Variants in MDGA1 observed in about 807,000 individuals in gnomAD.
The protein encoded by MDGA1 is MAM domain-containing glycosylphosphatidylinositol anchor protein 1.
MDGA1 carries 54 observed loss-of-function variants against 101.5 expected under a neutral mutation model. The ratio of observed to expected loss-of-function variants is 0.53; its 90% confidence interval spans 0.43 to 0.67. The LOEUF is 0.67. Among genes scored for constraint, MDGA1 ranks in the 30% least tolerant of loss-of-function variants. MDGA1 has a pLI of 0.00. For missense variants in MDGA1, 1,083 were observed against 1,323.8 expected, an observed-to-expected ratio of 0.82 and a Z score of 2.82; for synonymous variants, 533 against 558.3, an observed-to-expected ratio of 0.95 and a Z score of 0.64.
Position 37,652,427 on chromosome 6 carries a change from C to A in MDGA1, c.983-87G>T. 9.7e-7 allele frequency: 1 copy of A among 1,032,424 alleles called. No individual in the cohort carries two copies. Among genetic ancestry groups the A allele is most frequent in the Non-Finnish European group, 1.4e-6 (1 of 717,546 alleles). 64.0% of individuals were successfully genotyped at this position (1,032,424 alleles called of 1,614,324 possible). On this transcript the variant is annotated intron_variant, in intron 6 of 16. Transcript: ENST00000434837. This position sits in a 1 kb window ranked among gnomAD's most constrained non-coding sequence, Gnocchi z 4.3. ...CACCCCAACCCAGACCCAGCTTCTC[C>A]CCTCTAGCTGGCCCTTCTGGGGATA...
In MDGA1 at chr6:37,649,012, C is replaced by A; in HGVS notation, c.1864G>T (p.Gly622Cys). ...SYECSVSNDVGSAACLFQVSA... is the reference protein window; with the variant it reads ...SYECSVSNDVCSAACLFQVSA... ...ACCTGGAAGAGGCAGGCAGCCGAGCCCACATCGTTGGAGACGCTGCACTCG... is the reference window on the plus strand; with the variant it reads ...ACCTGGAAGAGGCAGGCAGCCGAGCACACATCGTTGGAGACGCTGCACTCG... Residue 622 changes from glycine (G) to cysteine (C), a missense_variant, in exon 9 of 17, where the codon GGC (glycine) becomes TGC (cysteine). Gly to Cys is a radical substitution (Grantham distance 159). Coordinates refer to ENST00000434837, the MANE Select transcript of MDGA1 (RefSeq NM_153487.4). 2 of 1,552,864 alleles carry A rather than the reference C, an allele frequency of 1.3e-6. No individual in the cohort carries two copies. Among genetic ancestry groups the A allele is most frequent in the Non-Finnish European group, 1.7e-6 (2 of 1,149,718 alleles).
At position 37,649,099 on chromosome 6, in the gene MDGA1, C is replaced by CGGCGGCGGCGGGAACAACA; in HGVS notation, c.1758_1776dup (p.Glu593CysfsTer132). 1.3e-6 allele frequency: 2 copies of CGGCGGCGGCGGGAACAACA among 1,519,142 alleles called. No individual in the cohort carries two copies. Among genetic ancestry groups the CGGCGGCGGCGGGAACAACA allele is most frequent in the Non-Finnish European group, 1.8e-6 (2 of 1,135,826 alleles). 94.1% of individuals were successfully genotyped at this position (1,519,142 alleles called of 1,614,324 possible). A position where few individuals can be genotyped will look rare whatever the true frequency, so the allele number is the denominator to read the frequency against. On this transcript the variant is annotated frameshift_variant, in exon 9 of 17. Coordinates refer to ENST00000434837, the MANE Select transcript of MDGA1 (RefSeq NM_153487.4). LOFTEE classifies it high-confidence loss of function. Reference sequence around the variant, plus strand: ...CGCAGCTCCGCGTGATCCGGCGCCTCGGCGGCGGCGGGAACAACAGGCGGC... The same window carrying CGGCGGCGGCGGGAACAACA: ...CGCAGCTCCGCGTGATCCGGCGCCTCGGCGGCGGCGGGAACAACAGGCGGCGGCGGGAACAACAGGCGGC...
At chr6:37,662,215 CAGTTT>C (rs768283693) in intron 2 of MDGA1, among the ~76,000 whole-genome samples, 1 of 149,330 alleles carries the variant, frequency 6.7e-6, no homozygotes, top group Non-Finnish European at 1.5e-5. Flanking sequence ...ATTGGGAGGT[CAGTTT>C]AGAGTCTACT....
chr6:37,652,230 C>T lies in MDGA1; in HGVS notation c.1093G>A (p.Glu365Lys), dbSNP rs768428298. The change falls in exon 7 of 17, where the codon GAG becomes AAG. Residue 365 changes from glutamate to lysine, a missense_variant. Coordinates refer to ENST00000434837, the MANE Select transcript of MDGA1 (RefSeq NM_153487.4). This position sits in a 1 kb window ranked among gnomAD's most constrained non-coding sequence, Gnocchi z 4.3. ...TTGAACCACTGGTAGGTCACCTTCT[C>T]CTGGGGCACTGCATCCACGTGGCAC... ...LSCHVDAVPQ[E>K]KVTYQWFKNG... The T allele has an allele frequency of 6.2e-7, 1 of 1,614,014 alleles. No homozygotes were observed.
Position 37,647,194 on chromosome 6 carries a change from G to A in MDGA1, c.2025C>T (p.Asn675=). Residue 675 remains asparagine (N), a synonymous_variant, in exon 10 of 17, where the codon AAC becomes AAT. Transcript: ENST00000434837. ...CCACCTGGCGGATGCTGAGTCTGTA[G>A]TTGAGCACAGGGTCGACAGCGTCGG... ...REPDAVDPVL[N]YRLSIRQLNQ... is the part of the protein sequence containing the mutation. 6.3e-7 allele frequency: 1 copy of A among 1,598,114 alleles called. No individual in the cohort carries two copies. Among genetic ancestry groups the A allele is most frequent in the Non-Finnish European group, 8.5e-7 (1 of 1,172,560 alleles).
intron 1 of MDGA1, among the ~76,000 whole-genome samples, chr6:37,679,852 G>A (rs1762056962): frequency 6.6e-6 from 1 of 152,158 alleles, no homozygotes; most frequent in Admixed American, 6.5e-5. Context: ...TGCGACACCT[G>A]CCCATCATCA....
Position 37,635,636 on chromosome 6 carries a change from T to G in MDGA1, c.*1732A>C. On this transcript the variant is annotated 3_prime_UTR_variant, in exon 17 of 17. Transcript: ENST00000434837. The stretch of plus-strand genomic sequence containing the variant: ...CGGTTCCCCGCCTGCCTCCTGGCAC[T>G]GCAGTGCTGCCCGAGTTCCAGGCCT... 1 of 398,708 alleles carries G rather than the reference T, an allele frequency of 2.5e-6. No homozygotes were observed. Among genetic ancestry groups the G allele is most frequent in the Non-Finnish European group, 4.4e-6 (1 of 226,108 alleles). The allele number at this position is 398,708 out of a possible 1,614,324, so 24.7% of individuals were successfully genotyped here.
At chr6:37,657,553 G>A (rs568098419) in intron 3 of MDGA1, among the ~76,000 whole-genome samples, 2 of 152,342 alleles carry the variant, frequency 1.3e-5, no homozygotes, top group South Asian at 4.1e-4. Flanking sequence ...GGGTGTCAGT[G>A]TTCATCACTC....
chr6:37,668,835 C>T (rs941182598), intron 1 of MDGA1, among the ~76,000 whole-genome samples: 1 of 151,928 alleles, frequency 6.6e-6, no homozygotes, highest in Non-Finnish European at 1.5e-5. Context: ...AACTTTTTCT[C>T]TCTTTCTCTC....
chr6:37,635,543 GC>G lies in MDGA1; in HGVS notation c.*1824del, dbSNP rs2113988667. 1 of 398,724 alleles carries G rather than the reference GC, an allele frequency of 2.5e-6. No homozygotes were observed. The highest frequency in any genetic ancestry group is 1.3e-4 in the South Asian group (1 of 7,868). The allele number at this position is 398,724 out of a possible 1,614,324, so 24.7% of individuals were successfully genotyped here. On this transcript the variant is annotated 3_prime_UTR_variant, in exon 17 of 17. Transcript: ENST00000434837. ...GAAGGCCCCGCTGCATCCTGGCCCG[GC>G]CACCCACCAGCTGTTGGTGATAATG...
intron 14 of MDGA1, among the ~76,000 whole-genome samples, chr6:37,640,611 C>G (rs921896092): frequency 6.6e-6 from 1 of 152,144 alleles, no homozygotes; most frequent in African/African-American, 2.4e-5. Context: ...GCCACTGAGC[C>G]TGAACAGGCC....
chr6:37,685,249 GCCA>G (rs2114099596), intron 1 of MDGA1, among the ~76,000 whole-genome samples: 1 of 152,050 alleles, frequency 6.6e-6, no homozygotes, highest in East Asian at 1.9e-4. Context: ...CTGAGATGGT[GCCA>G]CTGCACTCCA....
chr6:37,648,971 T>C lies in MDGA1; in HGVS notation c.1894+11A>G, dbSNP rs1236952459. The stretch of plus-strand genomic sequence containing the variant: ...GCGTGGTAGGTGGGGCGGGACCCAC[T>C]GGACGCTCACCGGAGACCTGGAAGA... On this transcript the variant is annotated intron_variant, in intron 9 of 16. Coordinates refer to ENST00000434837, the MANE Select transcript of MDGA1 (RefSeq NM_153487.4). 2.6e-6 allele frequency: 4 copies of C among 1,550,908 alleles called. No individual in the cohort carries two copies. Among genetic ancestry groups the C allele is most frequent in the Non-Finnish European group, 1.7e-6 (2 of 1,148,818 alleles).
chr6:37,691,238 G>A (rs1423950016), intron 1 of MDGA1, among the ~76,000 whole-genome samples: 1 of 152,086 alleles, frequency 6.6e-6, no homozygotes, highest in Non-Finnish European at 1.5e-5. Flanking sequence ...CAGAAGATCC[G>A]GTGGGACTGA....
intron 1 of MDGA1, among the ~76,000 whole-genome samples, chr6:37,681,004 C>CG (rs1554136950): frequency 4.6e-5 from 7 of 152,110 alleles, no homozygotes; most frequent in Admixed American, 4.6e-4. Flanking sequence ...CAGCCCCCCC[C>CG]CCCCAGGAAA....
intron 1 of MDGA1, among the ~76,000 whole-genome samples, chr6:37,669,233 T>C (rs1761820412): frequency 6.6e-6 from 1 of 152,190 alleles, no homozygotes; most frequent in African/African-American, 2.4e-5. Flanking sequence ...TTGCACAGTG[T>C]CTGGATACAC....
At chr6:37,680,690 T>C (rs1181640545) in intron 1 of MDGA1, among the ~76,000 whole-genome samples, 1 of 152,180 alleles carries the variant, frequency 6.6e-6, no homozygotes, top group Non-Finnish European at 1.5e-5. Flanking sequence ...GCTGGGGCTC[T>C]CCACACTGCA....
chr6:37,658,362 A>G lies in MDGA1; in HGVS notation c.265T>C (p.Phe89Leu). The G allele has an allele frequency of 6.2e-7, 1 of 1,613,212 alleles. No homozygotes were observed. The highest frequency in any genetic ancestry group is 8.5e-7 in the Non-Finnish European group (1 of 1,179,690). The change falls in exon 3 of 17, where the codon TTC (phenylalanine) becomes CTC (leucine). Residue 89 changes from phenylalanine (F) to leucine (L), a missense_variant. Physicochemically the swap from Phe to Leu is conservative, Grantham distance 22 (BLOSUM62 0). Around this residue, in one of 3 missense-constraint regions of MDGA1, gnomAD observed 310 missense variants for 355.9 expected, o/e 0.87. Coordinates refer to ENST00000434837, the MANE Select transcript of MDGA1 (RefSeq NM_153487.4). ...ASDKFQETSVFNETLRIERIA... is the reference protein window; with the variant it reads ...ASDKFQETSVLNETLRIERIA... ...CGCTCGATGCGCAGCGTCTCGTTGAACACCGATGTCTCCTGGAACTTGTCC... is the reference window on the plus strand; with the variant it reads ...CGCTCGATGCGCAGCGTCTCGTTGAGCACCGATGTCTCCTGGAACTTGTCC...
At chr6:37,678,148 AC>A (rs1156698642) in intron 1 of MDGA1, among the ~76,000 whole-genome samples, 5 of 151,906 alleles carry the variant, frequency 3.3e-5, no homozygotes, top group Non-Finnish European at 5.9e-5. Flanking sequence ...GCCCCCCAGT[AC>A]CCCCAAGGGT....
Sources: gnomAD v4.1 joint callset for allele counts (sites outside exome capture counted in the v4.1 genomes callset) on GRCh38, gnomAD v4.1.1 for gene constraint, gnomAD v4.1.1 regional missense constraint, Gnocchi (gnomAD v3.1) non-coding constraint, MANE v1.5 for transcripts, NCBI Gene and HGNC (gene_info 2026-07-23, HGNC 2026-07-21) for gene names.